Variants in IL12B observed in about 807,000 individuals in gnomAD.
The protein encoded by IL12B is interleukin 12B.
In IL12B, 27 loss-of-function variants were observed where a neutral mutation model predicts 39.2. The observed-to-expected ratio is 0.69, with a 90% CI of 0.51 to 0.95. The LOEUF is 0.95. Among genes scored for constraint, IL12B ranks in the 40% least tolerant of loss-of-function variants. The probability of loss-of-function intolerance (pLI) is 0.00; values close to 1 mark genes in which losing one functional copy is unlikely to be tolerated. For synonymous variants in IL12B, 142 were observed against 152.1 expected (o/e 0.93, Z 0.49); for missense variants, 351 against 397.6 (o/e 0.88, Z 1.00).
At chr5:159,319,559 A>G (rs750055345) in intron 5 of IL12B, among the ~76,000 whole-genome samples, 3 of 152,236 alleles carry the variant, frequency 2.0e-5, no homozygotes, top group Non-Finnish European at 4.4e-5. Flanking sequence ...TGGGCTCTGT[A>G]GGCCTGGCAC....
chr5:159,322,560 A>C, intron 3 of IL12B, 49 bp from the exon 4 acceptor site: 2 of 1,251,426 alleles, frequency 1.6e-6, no homozygotes, highest in Non-Finnish European at 2.3e-6. Context: ...TTTTTGCAGA[A>C]AGGTTTTGAT....
chr5:159,320,654 C>T, intron 4 of IL12B, 134 bp from the exon 5 acceptor site: 2 of 765,058 alleles, frequency 2.6e-6, no homozygotes, highest in Non-Finnish European at 4.5e-6. Context: ...GATTTCTACC[C>T]AGAGGGTAAG....
At position 159,320,451 on chromosome 5, in the gene IL12B, G is replaced by A. The variant is rs1252290124; in HGVS notation, c.552C>T (p.Asn184=). The change falls in exon 5 of 8, where the codon AAC becomes AAT. Residue 184 remains asparagine (N), a synonymous_variant. Transcript: ENST00000231228. The part of the protein sequence containing the change: ...TLSAERVRGD[N]KEYEYSVECQ... ...ACTCCACTGAGTACTCATACTCCTT[G>A]TTGTCCCCTCTGACTCTCTCTGCAG... 8 of 1,614,042 alleles carry A rather than the reference G, an allele frequency of 5.0e-6. No individual in the cohort carries two copies. The highest frequency in any genetic ancestry group is 6.8e-6 in the Non-Finnish European group (8 of 1,180,006).
intron 1 of IL12B, among the ~76,000 whole-genome samples, chr5:159,329,428 G>C (rs1754242062): frequency 6.6e-6 from 1 of 152,132 alleles, no homozygotes; most frequent in Non-Finnish European, 1.5e-5. Context: ...ATGGTGCCTA[G>C]ATGAAGTCAG....
At chr5:159,328,224 A>G (rs1754223787) in intron 1 of IL12B, among the ~76,000 whole-genome samples, 1 of 152,222 alleles carries the variant, frequency 6.6e-6, no homozygotes, top group Non-Finnish European at 1.5e-5. Flanking sequence ...CAGTGCTGTC[A>G]CCACAGCATG....
In IL12B at chr5:159,316,711, C is replaced by T. The variant is rs201512006; in HGVS notation, c.961G>A (p.Glu321Lys). ...TAACTGCAGGGCACAGATGCCCATTCGCTCCAAGATGAGCTATAGTAGCGG... is the reference window on the plus strand; with the variant it reads ...TAACTGCAGGGCACAGATGCCCATTTGCTCCAAGATGAGCTATAGTAGCGG... ...QDRYYSSSWS[E>K]WASVPCS The change falls in exon 7 of 8, where the codon GAA becomes AAA. Residue 321 changes from glutamate (E) to lysine (K), a missense_variant. By Grantham distance (56) the Glu-to-Lys change is moderately conservative (BLOSUM62 1). Coordinates refer to ENST00000231228, the MANE Select transcript of IL12B (RefSeq NM_002187.3). 9.6e-5 allele frequency: 155 copies of T among 1,613,664 alleles called. No individual in the cohort carries two copies. The highest frequency in any genetic ancestry group is 1.5e-4 in the African/African-American group (11 of 75,050).
rs1180755213 is a variant in IL12B, at chr5:159,315,564, C to T, written c.*537G>A. 6.5e-6 allele frequency: 1 copy of T among 152,710 alleles called. No individual in the cohort carries two copies. The highest frequency in any genetic ancestry group is 2.4e-5 in the African/African-American group (1 of 41,442). 9.5% of individuals were successfully genotyped at this position (152,710 alleles called of 1,614,324 possible). A position where few individuals can be genotyped will look rare whatever the true frequency, so the allele number is the denominator to read the frequency against. Reference sequence around the variant, plus strand: ...ATCTTGTTCTCCTGGATCTTCTCAACAGGTTTGCATTGTCAGGTTTCCATG... The same window carrying T: ...ATCTTGTTCTCCTGGATCTTCTCAATAGGTTTGCATTGTCAGGTTTCCATG... On this transcript the variant is annotated 3_prime_UTR_variant, in exon 8 of 8. Transcript: ENST00000231228.
rs1245105034 is a variant in IL12B at position 159,320,356 on chromosome 5, T to C, written c.647A>G (p.His216Arg). The change falls in exon 5 of 8, where the codon CAC becomes CGC. Residue 216 changes from histidine (H) to arginine (R), a missense_variant. Transcript: ENST00000231228. ...GGTGTAGTTTTCATACTTGAGCTTGTGAACGGCATCCACCATGACCTCAAT... is the reference window on the plus strand; with the variant it reads ...GGTGTAGTTTTCATACTTGAGCTTGCGAACGGCATCCACCATGACCTCAAT... ...LPIEVMVDAV[H>R]KLKYENYTSS... 4 of 1,614,168 alleles carry C rather than the reference T, an allele frequency of 2.5e-6. No homozygotes were observed. The Admixed American group carries it at 5.0e-5, about 20-fold the overall frequency.
intron 2 of IL12B, among the ~76,000 whole-genome samples, chr5:159,324,323 A>G (rs376382336): frequency 3.9e-5 from 6 of 152,320 alleles, no homozygotes; most frequent in African/African-American, 1.2e-4. Context: ...ATGGCTTAGT[A>G]TAGTATTTCA....
chr5:159,325,835 G>T (rs968091184), intron 2 of IL12B, among the ~76,000 whole-genome samples: 5 of 152,144 alleles, frequency 3.3e-5, no homozygotes, highest in African/African-American at 1.2e-4. Context: ...ACATTATGAT[G>T]TTGGCTTCAG....
chr5:159,321,918 C>T (rs1754100974), intron 4 of IL12B, among the ~76,000 whole-genome samples: 1 of 152,124 alleles, frequency 6.6e-6, no homozygotes, highest in Non-Finnish European at 1.5e-5. Flanking sequence ...GTGGTGTCAG[C>T]AGAAGTAAAA....
At chr5:159,316,631 C>A in intron 7 of IL12B, 54 bp downstream of exon 7, 1 of 1,575,990 alleles carries the variant, frequency 6.3e-7, no homozygotes, top group Middle Eastern at 2.2e-4. Flanking sequence ...CATATCCCTG[C>A]ATCCAGGTGC....
At chr5:159,328,567 T>G (rs185517586) in intron 1 of IL12B, among the ~76,000 whole-genome samples, 1 of 152,314 alleles carries the variant, frequency 6.6e-6, no homozygotes, top group African/African-American at 2.4e-5. Context: ...TCGGTATCTG[T>G]GTTTTATATA....
intron 5 of IL12B, 52 bp from the exon 6 acceptor site, chr5:159,318,945 A>C: frequency 1.3e-6 from 2 of 1,533,856 alleles, no homozygotes; most frequent in Non-Finnish European, 1.8e-6. Flanking sequence ...TTTGGAGTTC[A>C]GTGGTTTTGG....
rs1305841728 is a variant in IL12B, at chr5:159,322,470, A to C, written c.406T>G (p.Tyr136Asp). ...KTFLRCEAKN[Y>D]SGRFTCWWLT... ...CACCAGCAGGTGAAACGTCCAGAAT[A>C]ATTCTTGGCCTCGCATCTTAGAAAG... The change falls in exon 4 of 8, where the codon TAT (tyrosine) becomes GAT (aspartate). Residue 136 changes from tyrosine (Y) to aspartate (D), a missense_variant. By Grantham distance (160) the Tyr-to-Asp change is radical. Coordinates refer to ENST00000231228, the MANE Select transcript of IL12B (RefSeq NM_002187.3). 6.2e-7 allele frequency: 1 copy of C among 1,613,808 alleles called. No homozygotes were observed. Among genetic ancestry groups the C allele is most frequent in the African/African-American group, 1.3e-5 (1 of 74,918 alleles).
rs1032983887 is a variant in IL12B at position 159,329,959 on chromosome 5, C to G, written c.-1+473G>C. Among the ~76,000 whole-genome samples, 105 of 152,192 alleles carry G rather than the reference C, an allele frequency of 6.9e-4. 1 individual carries two copies. Among genetic ancestry groups the G allele is most frequent in the African/African-American group, 2.5e-3 (103 of 41,514 alleles). On this transcript the variant is annotated intron_variant, in intron 1 of 7. Coordinates refer to ENST00000231228, the MANE Select transcript of IL12B (RefSeq NM_002187.3). ...TGATATCACAACTGACGACCAAGAC[C>G]ATCACAAATATGGGAGCAAGTCTGA...
chr5:159,325,896 T>C (rs1398231934), intron 2 of IL12B, among the ~76,000 whole-genome samples: 1 of 152,170 alleles, frequency 6.6e-6, no homozygotes, highest in Non-Finnish European at 1.5e-5. Context: ...AGAATGCACA[T>C]TTACTGAGTG....
At chr5:159,327,520 C>T (rs34983204) in intron 1 of IL12B, among the ~76,000 whole-genome samples, 1 of 152,172 alleles carries the variant, frequency 6.6e-6, no homozygotes, top group African/African-American at 2.4e-5. Flanking sequence ...TATAGAGAAC[C>T]TAGTGGTTCT....
intron 4 of IL12B, among the ~76,000 whole-genome samples, chr5:159,321,923 GT>G (rs967354770): frequency 6.6e-6 from 1 of 152,182 alleles, no homozygotes; most frequent in Admixed American, 6.5e-5. Context: ...GTCAGCAGAA[GT>G]AAAAGGAGTT....
Sources: allele counts gnomAD v4.1 joint callset (sites outside exome capture counted in the v4.1 genomes callset), GRCh38; gene constraint gnomAD v4.1.1; transcripts MANE v1.5; gene names NCBI Gene and HGNC (gene_info 2026-07-23, HGNC 2026-07-21).